The following EDIL3 variants were observed in gnomAD, a reference collection of about 807,000 sequenced individuals.
EDIL3 encodes the protein EGF-like repeat and discoidin I-like domain-containing protein 3.
In EDIL3, 37 loss-of-function variants were observed where a neutral mutation model predicts 67.4. That is an observed-to-expected ratio of 0.55 (90% CI 0.42 to 0.72). The LOEUF (loss-of-function observed/expected upper bound fraction) is 0.72, where lower values mean the gene tolerates loss of function less well. Ranked by LOEUF, EDIL3 falls within the 30% of genes least tolerant of loss-of-function variation. The pLI is 0.00. For missense variants in EDIL3, 527 were observed against 586.3 expected, an observed-to-expected ratio of 0.90 and a Z score of 1.04; for synonymous variants, 195 against 196.3, an observed-to-expected ratio of 0.99 and a Z score of 0.05.
At chr5:84,168,841 A>G (rs1490141496) in intron 4 of EDIL3, among the ~76,000 whole-genome samples, 2 of 152,178 alleles carry the variant, frequency 1.3e-5, no homozygotes, top group Non-Finnish European at 2.9e-5. Flanking sequence ...AATAGAAATT[A>G]GTTCATTTAC....
intron 1 of EDIL3, among the ~76,000 whole-genome samples, chr5:84,351,009 G>A (rs1397355452): frequency 2.6e-5 from 4 of 151,944 alleles, no homozygotes; most frequent in African/African-American, 9.7e-5. Context: ...ATATTTATTT[G>A]GACTAGCCAC....
intron 1 of EDIL3, among the ~76,000 whole-genome samples, chr5:84,261,027 T>C (rs1439861449): frequency 6.6e-6 from 1 of 152,212 alleles, no homozygotes; most frequent in Non-Finnish European, 1.5e-5. Context: ...TACAACCTCA[T>C]CTTCAATCTA....
At chr5:84,240,448 T>TG (rs1301711680) in intron 2 of EDIL3, among the ~76,000 whole-genome samples, 1 of 152,114 alleles carries the variant, frequency 6.6e-6, no homozygotes, top group Non-Finnish European at 1.5e-5. Flanking sequence ...CCAACTTCCA[T>TG]GGGGCATGAA....
intron 9 of EDIL3, among the ~76,000 whole-genome samples, chr5:84,002,308 G>GAC (rs1289814503): frequency 1.5e-5 from 2 of 136,374 alleles, no homozygotes; most frequent in Non-Finnish European, 3.1e-5. Flanking sequence ...AGCCATACGT[G>GAC]ACACACTCAC....
chr5:83,975,701 A>T (rs1231007116), intron 9 of EDIL3, among the ~76,000 whole-genome samples: 4 of 151,926 alleles, frequency 2.6e-5, no homozygotes, highest in Admixed American at 2.0e-4. Context: ...GTGTTTAAGG[A>T]TCCTGAATTC....
chr5:84,075,923 C>CAG (rs1746847022), intron 6 of EDIL3, among the ~76,000 whole-genome samples: 1 of 147,924 alleles, frequency 6.8e-6, no homozygotes, highest in Non-Finnish European at 1.5e-5. Flanking sequence ...CACACAGACA[C>CAG]ACACTCACGT....
chr5:84,225,261 C>G (rs1744427009), intron 3 of EDIL3, among the ~76,000 whole-genome samples: 1 of 151,628 alleles, frequency 6.6e-6, no homozygotes, highest in African/African-American at 2.4e-5. Context: ...TAAGATGTAT[C>G]ATGCATCCCC....
At chr5:84,042,541 CAA>C (rs1440319298) in intron 9 of EDIL3, among the ~76,000 whole-genome samples, 1 of 152,166 alleles carries the variant, frequency 6.6e-6, no homozygotes, top group African/African-American at 2.4e-5. Flanking sequence ...CTCGGCCTCT[CAA>C]AGTGTTCGGA....
At chr5:84,087,801 G>A (rs1035688216) in intron 6 of EDIL3, among the ~76,000 whole-genome samples, 1 of 152,166 alleles carries the variant, frequency 6.6e-6, no homozygotes, top group African/African-American at 2.4e-5. Context: ...TGAGGAGAGG[G>A]ATAGGGTTAG....
chr5:84,141,906 C>T (rs1344510461), intron 4 of EDIL3, among the ~76,000 whole-genome samples: 1 of 96,858 alleles, frequency 1.0e-5, no homozygotes, highest in Non-Finnish European at 2.1e-5. Flanking sequence ...ACAAACTACT[C>T]ATATATATAT....
intron 9 of EDIL3, among the ~76,000 whole-genome samples, chr5:84,055,903 G>A (rs1018955000): frequency 2.6e-5 from 4 of 152,164 alleles, no homozygotes; most frequent in East Asian, 1.9e-4. Context: ...TCAGTGTGGC[G>A]ATTCCTCAGG....
intron 4 of EDIL3, among the ~76,000 whole-genome samples, chr5:84,154,773 C>T (rs1205510614): frequency 1.4e-5 from 2 of 147,166 alleles, no homozygotes; most frequent in Non-Finnish European, 3.0e-5. Flanking sequence ...GATCTCGGCT[C>T]ACCGCAACCT....
intron 9 of EDIL3, among the ~76,000 whole-genome samples, chr5:84,000,403 C>A (rs371277094): frequency 6.6e-6 from 1 of 151,918 alleles, no homozygotes; most frequent in South Asian, 2.1e-4. Context: ...AGTGAAAAAG[C>A]GGGGGATAAA....
chr5:84,371,341 ATG>A (rs1554044710), intron 1 of EDIL3, among the ~76,000 whole-genome samples: 18 of 129,700 alleles, frequency 1.4e-4, no homozygotes, highest in South Asian at 4.7e-4. Context: ...ATATATATAT[ATG>A]TGTGTGTGTA....
chr5:84,167,564 T>C (rs1421665414), intron 4 of EDIL3, among the ~76,000 whole-genome samples: 3 of 152,174 alleles, frequency 2.0e-5, no homozygotes, highest in African/African-American at 7.2e-5. Context: ...CCGATTTCTT[T>C]TACTATGATG....
chr5:84,206,481 G>A (rs1743982198), intron 3 of EDIL3, among the ~76,000 whole-genome samples: 1 of 152,060 alleles, frequency 6.6e-6, no homozygotes, highest in Non-Finnish European at 1.5e-5. Flanking sequence ...GGAGGAACTG[G>A]TACCATTCCT....
At chr5:84,380,055 T>C (rs961572005) in intron 1 of EDIL3, among the ~76,000 whole-genome samples, 3 of 152,032 alleles carry the variant, frequency 2.0e-5, no homozygotes, top group South Asian at 2.1e-4. Flanking sequence ...TAAGTATTTA[T>C]AGTACTTAAA....
chr5:84,335,286 A>T (rs952289829), intron 1 of EDIL3, among the ~76,000 whole-genome samples: 1 of 152,140 alleles, frequency 6.6e-6, no homozygotes, highest in African/African-American at 2.4e-5. Flanking sequence ...TTCTGACACA[A>T]GGGCTTTATA....
intron 9 of EDIL3, among the ~76,000 whole-genome samples, chr5:83,980,793 G>T (rs1744957345): frequency 6.6e-6 from 1 of 150,656 alleles, no homozygotes; most frequent in Non-Finnish European, 1.5e-5. Context: ...AATTCAATGA[G>T]TTTGTAGGAA....
Sources: gnomAD v4.1 joint callset for allele counts (sites outside exome capture counted in the v4.1 genomes callset) on GRCh38, gnomAD v4.1.1 for gene constraint, MANE v1.5 for transcripts, NCBI Gene and HGNC (gene_info 2026-07-23, HGNC 2026-07-21) for gene names.